Variants in SWAP70 observed in about 807,000 individuals in gnomAD.
The protein encoded by SWAP70 is switching B cell complex subunit SWAP70, also known as switch-associated protein 70.
SWAP70 carries 34 observed loss-of-function variants against 80.2 expected under a neutral mutation model. The observed-to-expected ratio is 0.42, with a 90% confidence interval of 0.32 to 0.56. The LOEUF (loss-of-function observed/expected upper bound fraction) is 0.56, where lower values mean the gene tolerates loss of function less well. SWAP70 is among the 20% of genes least tolerant of loss of function. The pLI, the probability that SWAP70 is intolerant of heterozygous loss-of-function variation, is 0.09. For missense variants in SWAP70, 578 were observed against 690.7 expected, an observed-to-expected ratio of 0.84 and a Z score of 1.83; for synonymous variants, 239 against 238.5, an observed-to-expected ratio of 1.00 and a Z score of -0.02.
intron 1 of SWAP70, 138 bp downstream of exon 1, chr11:9,664,416 C>A (rs1421580868): frequency 2.2e-6 from 2 of 913,904 alleles, no homozygotes; most frequent in Non-Finnish European, 3.2e-6. Flanking sequence ...CCGCTTGGGG[C>A]GGAGTGGGTC....
intron 2 of SWAP70, among the ~76,000 whole-genome samples, chr11:9,695,657 G>A (rs374596673): frequency 5.9e-5 from 9 of 151,876 alleles, no homozygotes; most frequent in Non-Finnish European, 1.3e-4. Flanking sequence ...TAGAGGATAG[G>A]TCAATAGGTG....
intron 3 of SWAP70, among the ~76,000 whole-genome samples, chr11:9,714,023 GT>G (rs1310722784): frequency 6.6e-6 from 1 of 152,202 alleles, no homozygotes; most frequent in Non-Finnish European, 1.5e-5. Flanking sequence ...TTTCAGGGCT[GT>G]TTTGTGTGAG....
chr11:9,667,087 A>C (rs1850316433), intron 1 of SWAP70, among the ~76,000 whole-genome samples: 1 of 151,686 alleles, frequency 6.6e-6, no homozygotes, highest in African/African-American at 2.4e-5. Context: ...CTGGTCTCGA[A>C]CTCCTGAGCT....
rs538903278 is a variant in SWAP70 at position 9,677,755 on chromosome 11, AATTT to A, written c.99+13481_99+13484del. Among the ~76,000 whole-genome samples the A allele has an allele frequency of 3.1e-4, 47 of 152,320 alleles. No individual in the cohort carries two copies. In the East Asian group the frequency reaches 9.0e-3, roughly 29 times the overall value. On this transcript the variant is annotated intron_variant, in intron 1 of 11. Transcript: ENST00000318950. ...GTTTTTAGAAATACAGCTTTAAAAA[AATTT>A]ATTGTACCTTTTTGAAATAAAAGAA...
At chr11:9,666,970 G>A (rs1463209845) in intron 1 of SWAP70, among the ~76,000 whole-genome samples, 2 of 152,102 alleles carry the variant, frequency 1.3e-5, no homozygotes, top group African/African-American at 2.4e-5. Flanking sequence ...TGATCTGCCC[G>A]CCTTGGCCCT....
At chr11:9,718,116 G>A (rs976786412) in intron 3 of SWAP70, among the ~76,000 whole-genome samples, 2 of 152,358 alleles carry the variant, frequency 1.3e-5, no homozygotes, top group Admixed American at 6.5e-5. Context: ...TAACAGAAAT[G>A]TCTTGATTCT....
At chr11:9,741,598 G>T (rs184827975) in intron 9 of SWAP70, 2 of 152,172 alleles carry the variant, frequency 1.3e-5, no homozygotes, top group Non-Finnish European at 2.9e-5. Context: ...CAAAGAATTC[G>T]CAGGTGAAAT....
At chr11:9,699,726 C>T (rs1406538490) in intron 2 of SWAP70, among the ~76,000 whole-genome samples, 1 of 151,980 alleles carries the variant, frequency 6.6e-6, no homozygotes, top group African/African-American at 2.4e-5. Flanking sequence ...CTTGGTGGCA[C>T]ATGCCTGTAG....
chr11:9,694,607 T>C (rs1850733021), intron 2 of SWAP70, among the ~76,000 whole-genome samples: 1 of 152,124 alleles, frequency 6.6e-6, no homozygotes, highest in African/African-American at 2.4e-5. Flanking sequence ...TACAAGGAAC[T>C]TAAACAAATT....
At chr11:9,727,030 C>T in intron 4 of SWAP70, 1 of 451,800 alleles carries the variant, frequency 2.2e-6, no homozygotes, top group South Asian at 1.6e-5. Context: ...TTAGCATTTT[C>T]ATTGATTGAG....
rs1192313411 is a variant in SWAP70, at chr11:9,697,651, A to G, written c.240+3365A>G. On this transcript the variant is annotated intron_variant, in intron 2 of 11. Transcript: ENST00000318950. ...TGCAGCAAAGATTCTAAAAATTACA[A>G]TGTTCATCTGTGTGATAATCTTTGT... Among the ~76,000 whole-genome samples the G allele has an allele frequency of 2.6e-5, 4 of 152,328 alleles. No homozygotes were observed. The East Asian group carries it at 5.8e-4, about 22-fold the overall frequency.
intron 9 of SWAP70, among the ~76,000 whole-genome samples, chr11:9,746,352 C>T (rs901181559): frequency 6.6e-6 from 1 of 152,184 alleles, no homozygotes; most frequent in Admixed American, 6.5e-5. Context: ...TGTCCATTCC[C>T]CCTCCATACT....
chr11:9,727,041 G>A (rs768307566), intron 4 of SWAP70: 19 of 447,066 alleles, frequency 4.2e-5, no homozygotes, highest in Non-Finnish European at 7.2e-5. Flanking sequence ...ATTGATTGAG[G>A]TTTTACTTAC....
chr11:9,736,465 G>A (rs999426731), intron 7 of SWAP70, among the ~76,000 whole-genome samples: 9 of 132,502 alleles, frequency 6.8e-5, no homozygotes, highest in African/African-American at 3.3e-4. Flanking sequence ...TAGATAATGT[G>A]TGGTAGCAAC....
At chr11:9,724,099 A>G (rs1037456362) in intron 3 of SWAP70, among the ~76,000 whole-genome samples, 1 of 152,162 alleles carries the variant, frequency 6.6e-6, no homozygotes, top group Non-Finnish European at 1.5e-5. Context: ...CAATAGCAGT[A>G]TTTTCTACAC....
At position 9,686,516 on chromosome 11, in the gene SWAP70, T is replaced by C. The variant is rs543964011; in HGVS notation, c.100-7630T>C. Among the ~76,000 whole-genome samples, 27 of 151,840 alleles carry C rather than the reference T, an allele frequency of 1.8e-4. 1 individual carries two copies. The South Asian group carries it at 5.4e-3, about 30-fold the overall frequency. ...GCTGGGACCACAGGCTCACAGCTAA[T>C]TTTTGTATTTTTTGTAGAGATAGGG... On this transcript the variant is annotated intron_variant, in intron 1 of 11. Transcript: ENST00000318950.
rs115517254 is a variant in SWAP70 at position 9,683,419 on chromosome 11, A to G, written c.100-10727A>G. 6.2e-3 allele frequency among the ~76,000 whole-genome samples: 939 copies of G among 152,136 alleles called. 11 individuals carry two copies. Among genetic ancestry groups the G allele is most frequent in the African/African-American group, 0.021 (883 of 41,486 alleles). ...TAACAGAGCAAGACCCTGTCTCAAA[A>G]AAAAAGAAGAAAAAGAAAAGAAAAG... is the stretch of plus-strand genomic sequence containing the variant. On this transcript the variant is annotated intron_variant, in intron 1 of 11. Coordinates refer to ENST00000318950, the MANE Select transcript of SWAP70 (RefSeq NM_015055.4).
In SWAP70 at chr11:9,687,745, C is replaced by T. The variant is rs116455826; in HGVS notation, c.100-6401C>T. 7.9e-3 allele frequency among the ~76,000 whole-genome samples: 1,197 copies of T among 152,232 alleles called. 16 individuals are homozygous for T. The highest frequency in any genetic ancestry group is 0.026 in the African/African-American group (1,070 of 41,554). ...AAGTGTTCTGCTCTTACTGAATCTTCGCTTAGCCCTATGCTAGTCACTGAA... is the reference window on the plus strand; with the variant it reads ...AAGTGTTCTGCTCTTACTGAATCTTTGCTTAGCCCTATGCTAGTCACTGAA... On this transcript the variant is annotated intron_variant, in intron 1 of 11. Transcript: ENST00000318950.
At chr11:9,744,208 C>G (rs1286158281) in intron 9 of SWAP70, among the ~76,000 whole-genome samples, 8 of 152,190 alleles carry the variant, frequency 5.3e-5, no homozygotes, top group Non-Finnish European at 1.5e-5. Flanking sequence ...GTGATCCACC[C>G]GCCTCGGCCT....
Sources: allele counts gnomAD v4.1 joint callset (sites outside exome capture counted in the v4.1 genomes callset), GRCh38; gene constraint gnomAD v4.1.1; transcripts MANE v1.5; gene names NCBI Gene and HGNC (gene_info 2026-07-23, HGNC 2026-07-21).